Variants in NTRK2 observed in about 807,000 individuals in gnomAD.
NTRK2 encodes neurotrophic receptor tyrosine kinase 2.
In NTRK2, 13 loss-of-function variants were observed where a neutral mutation model predicts 94.5. The observed-to-expected ratio is 0.14, with a 90% CI of 0.09 to 0.22. NTRK2 has a LOEUF of 0.22. NTRK2 is among the 10% of genes least tolerant of loss of function. NTRK2 has a pLI of 1.00. For missense variants in NTRK2, 639 were observed against 1,071.2 expected (o/e 0.60, Z 5.63); for synonymous variants, 372 against 407.4 (o/e 0.91, Z 1.05).
chr9:84,699,718 T>C (rs933905063), intron 2 of NTRK2, among the ~76,000 whole-genome samples: 4 of 151,808 alleles, frequency 2.6e-5, no homozygotes, highest in Admixed American at 1.3e-4. Context: ...CCGGGCTCCG[T>C]TGATATCTCT....
At chr9:84,814,479 A>G in intron 12 of NTRK2, 2 of 1,065,834 alleles carry the variant, frequency 1.9e-6, no homozygotes, top group South Asian at 4.5e-5. Context: ...AACTGACCCC[A>G]TGACCAACTG....
At chr9:84,819,618 G>C (rs1246526977) in intron 12 of NTRK2, among the ~76,000 whole-genome samples, 3 of 152,180 alleles carry the variant, frequency 2.0e-5, no homozygotes, top group African/African-American at 7.2e-5. Context: ...TGACCCATGG[G>C]GTGCACTGGC....
At chr9:84,716,361 G>A (rs1322213949) in intron 6 of NTRK2, among the ~76,000 whole-genome samples, 1 of 152,152 alleles carries the variant, frequency 6.6e-6, no homozygotes, top group African/African-American at 2.4e-5. Context: ...GGTTCCTTGA[G>A]ATAAATTGAA....
chr9:84,749,908 A>G (rs1304477340), intron 11 of NTRK2, among the ~76,000 whole-genome samples: 1 of 152,160 alleles, frequency 6.6e-6, no homozygotes, highest in African/African-American at 2.4e-5. Flanking sequence ...AAACCTCCAC[A>G]TCTTGGGGAC....
chr9:84,803,093 C>A (rs963359347), intron 12 of NTRK2, among the ~76,000 whole-genome samples: 13 of 152,160 alleles, frequency 8.5e-5, no homozygotes, highest in Admixed American at 6.5e-5. Flanking sequence ...TCAACCTAAG[C>A]TTCCCCAGAT....
At chr9:84,714,858 A>T (rs1441113398) in intron 6 of NTRK2, among the ~76,000 whole-genome samples, 1 of 152,198 alleles carries the variant, frequency 6.6e-6, no homozygotes, top group Non-Finnish European at 1.5e-5. Context: ...ACTCTGAATC[A>T]GTGAAGACCA....
Position 84,888,982 on chromosome 9 carries a change from ATTTTTTT to A in NTRK2, c.1633+21571_1633+21577del, listed in dbSNP as rs71369159. ...TCCCCATTATTTATTAATGACAGAA[ATTTTTTT>A]TTTTTTTTTTTTTTTTTTTGAGACG... On this transcript the variant is annotated intron_variant, in intron 14 of 18. Transcript: ENST00000277120. 5.9e-5 allele frequency among the ~76,000 whole-genome samples: 6 copies of A among 101,684 alleles called. 1 individual carries two copies. Among genetic ancestry groups the A allele is most frequent in the African/African-American group, 2.4e-4 (6 of 24,972 alleles). 66.7% of individuals were successfully genotyped at this position (101,684 alleles called of 152,430 possible).
intron 12 of NTRK2, among the ~76,000 whole-genome samples, chr9:84,763,921 CTAGGCAGTTGTCCTG>C (rs1158826702): frequency 6.6e-6 from 1 of 151,922 alleles, no homozygotes; most frequent in Non-Finnish European, 1.5e-5. Flanking sequence ...TTTGAAGAGA[CTAGGCAGTTGTCCTG>C]TAGAATGTCC....
At chr9:85,019,964 T>C (rs1369453058) in intron 17 of NTRK2, among the ~76,000 whole-genome samples, 2 of 152,228 alleles carry the variant, frequency 1.3e-5, no homozygotes, top group Non-Finnish European at 2.9e-5. Flanking sequence ...TCATCATCCC[T>C]GCTCCTATCT....
At chr9:84,943,610 T>C (rs2078487975) in intron 15 of NTRK2, among the ~76,000 whole-genome samples, 1 of 152,116 alleles carries the variant, frequency 6.6e-6, no homozygotes, top group Admixed American at 6.6e-5. Context: ...CAATGCTCAG[T>C]GATCGGGCAA....
At chr9:84,745,198 G>A (rs2063961330) in intron 11 of NTRK2, 125 bp downstream of exon 11, 1 of 739,776 alleles carries the variant, frequency 1.4e-6, no homozygotes, top group Admixed American at 2.0e-5. Context: ...TTAACACCTA[G>A]GTTGGAAGAA....
intron 12 of NTRK2, chr9:84,811,859 A>G: frequency 5.6e-6 from 6 of 1,064,892 alleles, no homozygotes; most frequent in Non-Finnish European, 5.7e-6. Flanking sequence ...TGCTCTGTTC[A>G]GTCTGTGTCA....
At chr9:84,910,168 TCAC>T (rs759710119) in intron 14 of NTRK2, among the ~76,000 whole-genome samples, 15 of 152,206 alleles carry the variant, frequency 9.9e-5, no homozygotes, top group Non-Finnish European at 1.6e-4. Context: ...AATTGCTCTG[TCAC>T]CATTTATTGG....
intron 17 of NTRK2, among the ~76,000 whole-genome samples, chr9:85,003,525 G>A (rs1169209518): frequency 6.6e-6 from 1 of 152,184 alleles, no homozygotes; most frequent in Non-Finnish European, 1.5e-5. Context: ...AAGGGGGAGA[G>A]ATGTCGGTGG....
chr9:84,674,677 A>T (rs533479163), intron 2 of NTRK2, among the ~76,000 whole-genome samples: 53 of 152,306 alleles, frequency 3.5e-4, no homozygotes, highest in Middle Eastern at 6.8e-3. Context: ...TCTAATTTAC[A>T]TCATTCATTA....
intron 12 of NTRK2, among the ~76,000 whole-genome samples, chr9:84,849,299 A>G (rs1054560204): frequency 6.6e-6 from 1 of 152,182 alleles, no homozygotes; most frequent in African/African-American, 2.4e-5. Flanking sequence ...AGAGGAAGCG[A>G]AAAACCCAGG....
intron 14 of NTRK2, among the ~76,000 whole-genome samples, chr9:84,910,324 A>G (rs2077202014): frequency 6.6e-6 from 1 of 152,116 alleles, no homozygotes; most frequent in Non-Finnish European, 1.5e-5. Flanking sequence ...TTACCTCAAA[A>G]GGCTGTAGGG....
In NTRK2 at chr9:84,745,088, T is replaced by G. The variant is rs771562109; in HGVS notation, c.1296+15T>G. The stretch of plus-strand genomic sequence containing the variant: ...AACATCTCTCGGTGAGTGGAATAAA[T>G]AGGTGTCTGAATTGGTTCTGAGCAT... On this transcript the variant is annotated intron_variant, in intron 11 of 18. Coordinates refer to ENST00000277120, the MANE Select transcript of NTRK2 (RefSeq NM_006180.6). 1 of 1,588,336 alleles carries G rather than the reference T, an allele frequency of 6.3e-7. No homozygotes were observed. The highest frequency in any genetic ancestry group is 8.6e-7 in the Non-Finnish European group (1 of 1,156,422).
chr9:84,697,571 G>A (rs1045246404), intron 2 of NTRK2, among the ~76,000 whole-genome samples: 4 of 152,160 alleles, frequency 2.6e-5, no homozygotes, highest in African/African-American at 9.7e-5. Context: ...CCTGCTGCCC[G>A]CCTGTCAGTG....
Sources: gnomAD v4.1 joint callset for allele counts (sites outside exome capture counted in the v4.1 genomes callset) on GRCh38, gnomAD v4.1.1 for gene constraint, MANE v1.5 for transcripts, NCBI Gene and HGNC (gene_info 2026-07-23, HGNC 2026-07-21) for gene names.